Variants in DNAH6 observed in about 807,000 individuals in gnomAD.
The protein encoded by DNAH6 is dynein axonemal heavy chain 6, also known as axonemal beta dynein heavy chain 6.
Under a neutral mutation model 491.4 loss-of-function variants are expected in DNAH6, and 340 were observed. The observed-to-expected ratio is 0.69, with a 90% CI of 0.63 to 0.76. DNAH6 has a LOEUF of 0.76. Ranked by LOEUF, DNAH6 falls within the 30% of genes least tolerant of loss-of-function variation. The pLI is 0.00. For synonymous variants in DNAH6, 1,603 were observed against 1,686.1 expected, an observed-to-expected ratio of 0.95 and a Z score of 1.21; for missense variants, 4,443 against 4,972.2, an observed-to-expected ratio of 0.89 and a Z score of 3.20.
In DNAH6 at chr2:84,573,337, T is replaced by C. The variant is rs996913835; in HGVS notation, c.1804-130T>C. The C allele has an allele frequency of 1.0e-4, 66 of 653,674 alleles. 1 individual carries two copies. The Middle Eastern group carries it at 1.2e-3, about 12-fold the overall frequency. 40.5% of individuals were successfully genotyped at this position (653,674 alleles called of 1,614,324 possible). Reference sequence around the variant, plus strand: ...AAGAATATATCTTTCTTCATTCATGTTTCCCAAATCAAAACATACTATTGG... The same window carrying C: ...AAGAATATATCTTTCTTCATTCATGCTTCCCAAATCAAAACATACTATTGG... On this transcript the variant is annotated intron_variant, in intron 11 of 76. Transcript: ENST00000389394.
chr2:84,641,364 T>C (rs972392182), intron 32 of DNAH6, among the ~76,000 whole-genome samples: 1 of 152,104 alleles, frequency 6.6e-6, no homozygotes, highest in African/African-American at 2.4e-5. Flanking sequence ...GTCCCCTCTT[T>C]ACAGGATGGC....
At chr2:84,731,453 C>G (rs989301853) in intron 61 of DNAH6, among the ~76,000 whole-genome samples, 2 of 152,214 alleles carry the variant, frequency 1.3e-5, no homozygotes, top group African/African-American at 4.8e-5. Flanking sequence ...TCCTCAATGG[C>G]AGAGGCAAGC....
At chr2:84,553,365 T>TTTTCTTTCTTTC (rs869077601) in intron 10 of DNAH6, among the ~76,000 whole-genome samples, 2 of 19,774 alleles carry the variant, frequency 1.0e-4, no homozygotes, top group Non-Finnish European at 2.0e-4. Context: ...TTTTCTTTTC[T>TTTTCTTTCTTTC]TTTCTTTCTT....
At chr2:84,708,508 GGAAA>G (rs1456881103) in intron 54 of DNAH6, among the ~76,000 whole-genome samples, 5 of 137,348 alleles carry the variant, frequency 3.6e-5, no homozygotes, top group African/African-American at 5.4e-5. Flanking sequence ...AGGAAGGAAG[GGAAA>G]GAAAGAAAGA....
At chr2:84,647,699 G>A (rs1690032605) in intron 33 of DNAH6, among the ~76,000 whole-genome samples, 1 of 152,194 alleles carries the variant, frequency 6.6e-6, no homozygotes, top group African/African-American at 2.4e-5. Flanking sequence ...CTCGCTGGCA[G>A]CACTTGTGGC....
intron 19 of DNAH6, 122 bp from the exon 20 acceptor site, chr2:84,605,376 TTA>T: frequency 1.5e-6 from 1 of 668,842 alleles, no homozygotes; most frequent in Non-Finnish European, 2.4e-6. Flanking sequence ...AAAAAGAATT[TTA>T]GAGAGCAATA....
intron 68 of DNAH6, among the ~76,000 whole-genome samples, chr2:84,791,966 T>C (rs983225684): frequency 2.6e-5 from 4 of 152,104 alleles, no homozygotes; most frequent in African/African-American, 7.2e-5. Flanking sequence ...AGCCAAAATA[T>C]GGAAACAACC....
At chr2:84,703,254 A>G in intron 49 of DNAH6, 141 bp from the exon 50 acceptor site, 1 of 615,560 alleles carries the variant, frequency 1.6e-6, no homozygotes, top group Non-Finnish European at 2.6e-6. Flanking sequence ...AATTTGTAAT[A>G]TGTTCACAAC....
intron 15 of DNAH6, among the ~76,000 whole-genome samples, chr2:84,586,550 A>G (rs1683574547): frequency 6.6e-6 from 1 of 152,240 alleles, no homozygotes; most frequent in African/African-American, 2.4e-5. Context: ...TGTATTTTAC[A>G]GTGATTCATT....
At chr2:84,508,440 T>C in the DNAH6 span, among the ~76,000 whole-genome samples, 1 of 152,210 alleles carries the variant, frequency 6.6e-6, no homozygotes, top group African/African-American at 2.4e-5. Context: ...TTATTGCGTC[T>C]ATTTGATTCT....
intron 63 of DNAH6, among the ~76,000 whole-genome samples, chr2:84,761,777 C>CACACACACAT (rs1203209076): frequency 6.3e-5 from 9 of 142,992 alleles, no homozygotes; most frequent in African/African-American, 2.4e-4. Flanking sequence ...GCATTACATA[C>CACACACACAT]ACACACACAC....
At chr2:84,543,066 G>A (rs1678422805) in intron 4 of DNAH6, among the ~76,000 whole-genome samples, 1 of 152,180 alleles carries the variant, frequency 6.6e-6, no homozygotes, top group Non-Finnish European at 1.5e-5. Flanking sequence ...GGCTGAGGCA[G>A]GAGAATCTCT....
At position 84,818,607 on chromosome 2, in the gene DNAH6, G is replaced by A. The variant is rs186988248; in HGVS notation, c.12374-698G>A. 2.4e-4 allele frequency among the ~76,000 whole-genome samples: 36 copies of A among 151,366 alleles called. 1 individual carries two copies. The South Asian group carries it at 6.5e-3, about 27-fold the overall frequency. Reference sequence around the variant, plus strand: ...GAATATATTTAAAATCACCACAGCAGTGCTGTCATAAAATCCAGATTCTGG... The same window carrying A: ...GAATATATTTAAAATCACCACAGCAATGCTGTCATAAAATCCAGATTCTGG... On this transcript the variant is annotated intron_variant, in intron 76 of 76. Coordinates refer to ENST00000389394, the MANE Select transcript of DNAH6 (RefSeq NM_001370.2).
At position 84,797,633 on chromosome 2, in the gene DNAH6, A is replaced by C. The variant is rs1480653735; in HGVS notation, c.11456A>C (p.His3819Pro). The change falls in exon 70 of 77, where the codon CAT (histidine) becomes CCT (proline). Residue 3819 changes from histidine to proline, a missense_variant. Around this residue, in one of 3 missense-constraint regions of DNAH6, gnomAD observed 1,463 missense variants for 1,656.6 expected, o/e 0.88. Coordinates refer to ENST00000389394, the MANE Select transcript of DNAH6 (RefSeq NM_001370.2). ...GATGACCCAGAAATTTTTGGAATGC[A>C]TGAAAATGCTAATCTAGTCTTCCAG... ...LIDDPEIFGM[H>P]ENANLVFQYK... 4 of 1,551,346 alleles carry C rather than the reference A, an allele frequency of 2.6e-6. No individual in the cohort carries two copies. The African/African-American group carries it at 5.5e-5, about 21-fold the overall frequency.
At position 84,670,403 on chromosome 2, in the gene DNAH6, G is replaced by A; in HGVS notation, c.6382G>A (p.Ala2128Thr). The change falls in exon 39 of 77, where the codon GCT becomes ACT. Residue 2128 changes from alanine to threonine, a missense_variant. By Grantham distance (58) the Ala-to-Thr change is moderately conservative (BLOSUM62 0). Transcript: ENST00000389394. The stretch of plus-strand genomic sequence containing the variant: ...TGTCCCTGTTTATCTAAATTTTTCT[G>A]CTCAAACTTCATCTGCAAGGACACA... The part of the protein sequence containing the change: ...GYVPVYLNFS[A>T]QTSSARTQEI... The A allele has an allele frequency of 1.3e-6, 2 of 1,546,364 alleles. No individual in the cohort carries two copies. Among genetic ancestry groups the A allele is most frequent in the East Asian group, 2.5e-5 (1 of 40,790 alleles).
At chr2:84,678,402 T>C (rs1441333231) in intron 41 of DNAH6, among the ~76,000 whole-genome samples, 1 of 152,120 alleles carries the variant, frequency 6.6e-6, no homozygotes, top group Non-Finnish European at 1.5e-5. Context: ...AAGTTTGAAG[T>C]GAGTGATTCC....
chr2:84,803,086 C>T (rs1679080429), intron 70 of DNAH6, among the ~76,000 whole-genome samples: 2 of 152,126 alleles, frequency 1.3e-5, no homozygotes, highest in Admixed American at 1.3e-4. Context: ...GTGTATAAAG[C>T]TAACTGCCTA....
At chr2:84,714,892 T>C (rs1697374616) in intron 57 of DNAH6, among the ~76,000 whole-genome samples, 1 of 151,212 alleles carries the variant, frequency 6.6e-6, no homozygotes, top group Non-Finnish European at 1.5e-5. Context: ...TAATTTACCA[T>C]ATTACAAAAT....
At chr2:84,789,981 G>A (rs1033101093) in intron 68 of DNAH6, among the ~76,000 whole-genome samples, 1 of 152,170 alleles carries the variant, frequency 6.6e-6, no homozygotes, top group Non-Finnish European at 1.5e-5. Context: ...GGACTGAATG[G>A]CTGGTATCAT....
Sources: allele counts gnomAD v4.1 joint callset (sites outside exome capture counted in the v4.1 genomes callset), GRCh38; gene constraint gnomAD v4.1.1; regional missense constraint gnomAD v4.1.1; transcripts MANE v1.5; gene names NCBI Gene and HGNC (gene_info 2026-07-23, HGNC 2026-07-21).